Variants in NTM observed in about 807,000 individuals in gnomAD.
NTM encodes neurotrimin.
In NTM, 13 loss-of-function variants were observed where a neutral mutation model predicts 42.1. The ratio of observed to expected loss-of-function variants is 0.31; its 90% CI spans 0.20 to 0.49. The LOEUF (loss-of-function observed/expected upper bound fraction) is 0.49. NTM is among the 20% of genes least tolerant of loss of function. The probability of loss-of-function intolerance (pLI) is 0.99; values close to 1 mark genes in which losing one functional copy is unlikely to be tolerated. For synonymous variants in NTM, 187 were observed against 179.2 expected, an observed-to-expected ratio of 1.04 and a Z score of -0.35; for missense variants, 373 against 452.8, an observed-to-expected ratio of 0.82 and a Z score of 1.60.
chr11:131,868,299 A>G lies in NTM; in HGVS notation c.83-43265A>G, dbSNP rs563328206. Among the ~76,000 whole-genome samples the G allele has an allele frequency of 3.3e-5, 5 of 152,090 alleles. No homozygotes were observed. In the East Asian group the frequency reaches 9.7e-4, roughly 29 times the overall value. On this transcript the variant is annotated intron_variant, in intron 1 of 8. Transcript: ENST00000683400. ...ACCCTTTTTTGTCCCAGTCTTTCGTATCAAAACCTCCCTCCTACCTCTTTT... is the reference window on the plus strand; with the variant it reads ...ACCCTTTTTTGTCCCAGTCTTTCGTGTCAAAACCTCCCTCCTACCTCTTTT...
intron 1 of NTM, among the ~76,000 whole-genome samples, chr11:131,413,491 G>A (rs931101260): frequency 6.6e-6 from 1 of 152,164 alleles, no homozygotes; most frequent in African/African-American, 2.4e-5. Flanking sequence ...GGCTGCTCTT[G>A]TCCTCAGGCC....
At chr11:132,233,626 GC>G (rs2088118031) in intron 4 of NTM, among the ~76,000 whole-genome samples, 1 of 152,114 alleles carries the variant, frequency 6.6e-6, no homozygotes, top group African/African-American at 2.4e-5. Context: ...ACACAGCCAT[GC>G]CCATTTGTTT....
chr11:131,641,729 ATT>A (rs139661617), intron 1 of NTM, among the ~76,000 whole-genome samples: 91,999 of 140,592 alleles, frequency 0.65, 30,215 homozygotes, highest in South Asian at 0.76. Flanking sequence ...AATAGTCTAG[ATT>A]TTTTTTTTTT....
At chr11:132,325,357 G>C (rs1257497773) in intron 7 of NTM, among the ~76,000 whole-genome samples, 5 of 152,112 alleles carry the variant, frequency 3.3e-5, no homozygotes, top group African/African-American at 7.2e-5. Flanking sequence ...GTGGGCAAAG[G>C]ACATGAACAG....
intron 1 of NTM, among the ~76,000 whole-genome samples, chr11:131,816,562 G>A (rs1426964107): frequency 6.7e-6 from 1 of 149,906 alleles, no homozygotes; most frequent in Non-Finnish European, 1.5e-5. Flanking sequence ...AAAAAAAAAG[G>A]AATTTAAAGA....
chr11:131,988,008 CATTT>C (rs2066367708), intron 2 of NTM, among the ~76,000 whole-genome samples: 1 of 152,228 alleles, frequency 6.6e-6, no homozygotes, highest in African/African-American at 2.4e-5. Flanking sequence ...AAACAACAAA[CATTT>C]ATTCCTCACA....
chr11:131,883,992 A>G (rs2049963788), intron 1 of NTM, among the ~76,000 whole-genome samples: 1 of 152,216 alleles, frequency 6.6e-6, no homozygotes, highest in South Asian at 2.1e-4. Context: ...AATATTTAAT[A>G]GTTACTGAAT....
chr11:131,437,327 C>A (rs1327092834), intron 1 of NTM, among the ~76,000 whole-genome samples: 1 of 152,080 alleles, frequency 6.6e-6, no homozygotes, highest in African/African-American at 2.4e-5. Context: ...GAGTTCAAGT[C>A]CTGGATATCC....
chr11:131,612,957 A>G (rs964052897), intron 1 of NTM, among the ~76,000 whole-genome samples: 5 of 152,286 alleles, frequency 3.3e-5, no homozygotes, highest in Admixed American at 6.5e-5. Flanking sequence ...CCTCATGTAA[A>G]GCAGGTGGAA....
chr11:131,490,443 G>A (rs1368297884), intron 1 of NTM, among the ~76,000 whole-genome samples: 1 of 152,184 alleles, frequency 6.6e-6, no homozygotes, highest in Non-Finnish European at 1.5e-5. Flanking sequence ...GTATTTCCTT[G>A]CTCATGATTT....
At chr11:131,797,092 A>G (rs1046159794) in intron 1 of NTM, among the ~76,000 whole-genome samples, 3 of 152,352 alleles carry the variant, frequency 2.0e-5, no homozygotes, top group South Asian at 4.1e-4. Flanking sequence ...AGCACAAAAA[A>G]GATTTTGACT....
chr11:131,426,530 C>T (rs756873921), intron 1 of NTM, among the ~76,000 whole-genome samples: 9 of 152,114 alleles, frequency 5.9e-5, no homozygotes, highest in East Asian at 1.9e-4. Flanking sequence ...TAAAGGTCTG[C>T]GAAATCAGAT....
intron 1 of NTM, among the ~76,000 whole-genome samples, chr11:131,613,738 C>T (rs183914059): frequency 1.2e-3 from 184 of 152,208 alleles, no homozygotes; most frequent in African/African-American, 3.7e-3. Context: ...TCACAGGAGA[C>T]GTGGAGACTC....
intron 2 of NTM, among the ~76,000 whole-genome samples, chr11:131,941,345 A>G (rs1565787137): frequency 6.6e-6 from 1 of 152,006 alleles, no homozygotes; most frequent in East Asian, 1.9e-4. Flanking sequence ...CCCAGCCACC[A>G]CCCTTTTGGG....
intron 1 of NTM, among the ~76,000 whole-genome samples, chr11:131,580,756 G>A (rs79743827): frequency 2.5e-4 from 38 of 152,262 alleles, no homozygotes; most frequent in African/African-American, 5.5e-4. Flanking sequence ...GCATTTCTTC[G>A]TATTCCCTTG....
chr11:132,220,129 A>C (rs1003792853), intron 4 of NTM, among the ~76,000 whole-genome samples: 7 of 152,248 alleles, frequency 4.6e-5, no homozygotes, highest in African/African-American at 1.7e-4. Flanking sequence ...GAAAGTGGCC[A>C]GCTTCCTGTT....
At chr11:131,559,810 C>T (rs944507841) in intron 1 of NTM, among the ~76,000 whole-genome samples, 2 of 152,188 alleles carry the variant, frequency 1.3e-5, no homozygotes, top group East Asian at 1.9e-4. Flanking sequence ...AGTAAGGGAA[C>T]ATGAGAGGCT....
At chr11:132,087,010 A>T (rs576471715) in intron 2 of NTM, among the ~76,000 whole-genome samples, 64 of 152,336 alleles carry the variant, frequency 4.2e-4, no homozygotes, top group Non-Finnish European at 7.3e-4. Context: ...TGCATTCAAA[A>T]GGAAAGCAGA....
intron 1 of NTM, among the ~76,000 whole-genome samples, chr11:131,423,466 A>G (rs184140994): frequency 3.3e-5 from 5 of 152,200 alleles, no homozygotes; most frequent in African/African-American, 1.2e-4. Flanking sequence ...AATAAGGCTG[A>G]TGTCGTTAAA....
Sources: allele counts gnomAD v4.1 joint callset (sites outside exome capture counted in the v4.1 genomes callset), GRCh38; gene constraint gnomAD v4.1.1; transcripts MANE v1.5; gene names NCBI Gene and HGNC (gene_info 2026-07-23, HGNC 2026-07-21).